The following FOXN3 variants were observed in gnomAD, a reference collection of about 807,000 sequenced individuals.
FOXN3 encodes forkhead box N3.
Under a neutral mutation model 38.4 loss-of-function variants are expected in FOXN3, and 7 were observed. The observed-to-expected ratio is 0.18, with a 90% CI of 0.10 to 0.34. The LOEUF (loss-of-function observed/expected upper bound fraction) is 0.34. FOXN3 is among the 10% of genes least tolerant of loss of function. The pLI is 1.00. For missense variants in FOXN3, 456 were observed against 613.4 expected (o/e 0.74, Z 2.71); for synonymous variants, 230 against 242.2 (o/e 0.95, Z 0.47).
At chr14:89,566,872 CTCT>C (rs1895364772) in intron 1 of FOXN3, among the ~76,000 whole-genome samples, 1 of 151,792 alleles carries the variant, frequency 6.6e-6, no homozygotes, top group Non-Finnish European at 1.5e-5. Flanking sequence ...CACCCCCCTC[CTCT>C]TCCTTACCCT....
At chr14:89,523,577 AAC>A (rs754320406) in intron 1 of FOXN3, among the ~76,000 whole-genome samples, 11 of 152,242 alleles carry the variant, frequency 7.2e-5, no homozygotes, top group Non-Finnish European at 1.2e-4. Flanking sequence ...AAAACTAAAT[AAC>A]ACATCTCTAA....
Position 89,345,356 on chromosome 14 carries a change from T to TA in FOXN3, c.680+5315dup, listed in dbSNP as rs928359802. Reference sequence around the variant, plus strand: ...TGAGTCTGCATTTTGGAGACTGCTTTAAAAAAAAAAAAAAGGAAAGAGAAG... The same window carrying TA: ...TGAGTCTGCATTTTGGAGACTGCTTTAAAAAAAAAAAAAAAGGAAAGAGAAG... On this transcript the variant is annotated intron_variant, in intron 3 of 5. Coordinates refer to ENST00000557258, the MANE Select transcript of FOXN3 (RefSeq NM_005197.4). Among the ~76,000 whole-genome samples, 131 of 140,322 alleles carry TA rather than the reference T, an allele frequency of 9.3e-4. 1 individual carries two copies. The highest frequency in any genetic ancestry group is 3.6e-3 in the Middle Eastern group (1 of 276). The allele number at this position is 140,322 out of a possible 152,430, so 92.1% of individuals were successfully genotyped here. A position where few individuals can be genotyped will look rare whatever the true frequency, so the allele number is the denominator to read the frequency against.
At chr14:89,288,157 T>C (rs1435895885) in intron 3 of FOXN3, among the ~76,000 whole-genome samples, 4 of 152,092 alleles carry the variant, frequency 2.6e-5, no homozygotes, top group Admixed American at 6.6e-5. Flanking sequence ...GGTAGAAACC[T>C]ACCAAGAGTG....
chr14:89,550,919 TAG>T (rs1894992623), intron 1 of FOXN3, among the ~76,000 whole-genome samples: 1 of 152,148 alleles, frequency 6.6e-6, no homozygotes, highest in Non-Finnish European at 1.5e-5. Context: ...GCAGGCAAAC[TAG>T]AGCCTCTGCA....
intron 4 of FOXN3, among the ~76,000 whole-genome samples, chr14:89,223,688 G>A (rs1177479597): frequency 2.6e-5 from 4 of 152,184 alleles, no homozygotes; most frequent in Non-Finnish European, 4.4e-5. Context: ...CGGGTGCGGC[G>A]CTGGTTGCTG....
At chr14:89,407,894 T>C (rs1160269161) in intron 2 of FOXN3, among the ~76,000 whole-genome samples, 2 of 152,170 alleles carry the variant, frequency 1.3e-5, no homozygotes, top group African/African-American at 4.8e-5. Flanking sequence ...ATAAAATAAG[T>C]GTGACAAACC....
intron 1 of FOXN3, among the ~76,000 whole-genome samples, chr14:89,582,971 A>G (rs2139913433): frequency 6.6e-6 from 1 of 152,250 alleles, no homozygotes. Flanking sequence ...TTATTGCTGA[A>G]TAGTGTTCCA....
chr14:89,431,189 A>AT (rs994241606), intron 1 of FOXN3, among the ~76,000 whole-genome samples: 35 of 151,266 alleles, frequency 2.3e-4, no homozygotes, highest in Non-Finnish European at 1.8e-4. Flanking sequence ...TGTTTAGCAC[A>AT]TTTTTTTTTG....
chr14:89,210,880 CATTTTGCTTT>C (rs746453338), intron 4 of FOXN3, among the ~76,000 whole-genome samples: 20 of 152,308 alleles, frequency 1.3e-4, no homozygotes, highest in Admixed American at 2.6e-4. Flanking sequence ...CGGCTCACTT[CATTTTGCTTT>C]ATTTTATTCT....
chr14:89,258,806 T>C (rs539308086), intron 4 of FOXN3, among the ~76,000 whole-genome samples: 40 of 152,374 alleles, frequency 2.6e-4, no homozygotes, highest in Non-Finnish European at 4.9e-4. Context: ...AGGTTCTCCC[T>C]TGGGAATGTG....
At chr14:89,262,365 G>A (rs1324798210) in intron 4 of FOXN3, among the ~76,000 whole-genome samples, 2 of 152,228 alleles carry the variant, frequency 1.3e-5, no homozygotes, top group Non-Finnish European at 1.5e-5. Context: ...GCAAACTGGA[G>A]GCCAGTGTGA....
chr14:89,526,814 T>C (rs1384384116), intron 1 of FOXN3, among the ~76,000 whole-genome samples: 2 of 152,118 alleles, frequency 1.3e-5, no homozygotes, highest in East Asian at 3.9e-4. Flanking sequence ...AGAAAAAAAT[T>C]AGAAGACTTA....
intron 3 of FOXN3, among the ~76,000 whole-genome samples, chr14:89,322,081 C>T (rs1323289242): frequency 1.3e-5 from 2 of 152,234 alleles, no homozygotes; most frequent in Non-Finnish European, 2.9e-5. Context: ...GCCAGGGCCA[C>T]AGTTGCCTTA....
intron 2 of FOXN3, chr14:89,401,519 C>T (rs748809533): frequency 6.2e-5 from 28 of 450,726 alleles, no homozygotes; most frequent in Non-Finnish European, 9.8e-5. Context: ...CAAAGGAATT[C>T]GGCACACAGT....
chr14:89,450,937 T>C (rs567945254), intron 1 of FOXN3, among the ~76,000 whole-genome samples: 28 of 152,226 alleles, frequency 1.8e-4, no homozygotes, highest in African/African-American at 6.3e-4. Flanking sequence ...CCCCCCAGGG[T>C]GAATTCCTTC....
chr14:89,311,623 A>G (rs913969927), intron 3 of FOXN3, among the ~76,000 whole-genome samples: 1 of 151,552 alleles, frequency 6.6e-6, no homozygotes, highest in Admixed American at 6.6e-5. Context: ...TCAGGAGGTC[A>G]AGACCATCCT....
intron 4 of FOXN3, among the ~76,000 whole-genome samples, chr14:89,266,808 A>G (rs1481698394): frequency 1.3e-5 from 2 of 152,146 alleles, no homozygotes; most frequent in African/African-American, 4.8e-5. Context: ...GACCGGCTCA[A>G]TATGGTCAAC....
chr14:89,553,070 C>T (rs556801036), intron 1 of FOXN3, among the ~76,000 whole-genome samples: 1 of 151,752 alleles, frequency 6.6e-6, no homozygotes, highest in Admixed American at 6.6e-5. Flanking sequence ...GAAACCTCGT[C>T]TCTACAAAAA....
chr14:89,272,838 G>A (rs775021202), intron 4 of FOXN3, among the ~76,000 whole-genome samples: 36 of 152,108 alleles, frequency 2.4e-4, no homozygotes, highest in African/African-American at 7.7e-4. Flanking sequence ...GGGCAACAGC[G>A]CAAGACTCTG....
Sources: gnomAD v4.1 joint callset for allele counts (sites outside exome capture counted in the v4.1 genomes callset) on GRCh38, gnomAD v4.1.1 for gene constraint, MANE v1.5 for transcripts, NCBI Gene and HGNC (gene_info 2026-07-23, HGNC 2026-07-21) for gene names.